Variants in SORCS1 observed in about 807,000 individuals in gnomAD.
The protein encoded by SORCS1 is sortilin related VPS10 domain containing receptor 1, also known as VPS10 domain-containing receptor SorCS1.
Under a neutral mutation model 146.1 loss-of-function variants are expected in SORCS1, and 60 were observed. That is an observed-to-expected ratio of 0.41 (90% CI 0.33 to 0.51). The LOEUF (loss-of-function observed/expected upper bound fraction) is 0.51, where lower values mean the gene tolerates loss of function less well. Ranked by LOEUF, SORCS1 falls within the 20% of genes least tolerant of loss-of-function variation. SORCS1 has a pLI of 0.21. For missense variants in SORCS1, 1,352 were observed against 1,487.6 expected, an observed-to-expected ratio of 0.91 and a Z score of 1.50; for synonymous variants, 637 against 584.0, an observed-to-expected ratio of 1.09 and a Z score of -1.31.
At chr10:106,819,045 T>C (rs567312799) in intron 3 of SORCS1, among the ~76,000 whole-genome samples, 3 of 152,310 alleles carry the variant, frequency 2.0e-5, no homozygotes, top group South Asian at 4.1e-4. Context: ...TGGAACAAAA[T>C]AGGCATTTAA....
At chr10:106,580,137 G>A (rs547289639) in intron 24 of SORCS1, among the ~76,000 whole-genome samples, 1 of 152,242 alleles carries the variant, frequency 6.6e-6, no homozygotes, top group South Asian at 2.1e-4. Flanking sequence ...GAACAGCAAA[G>A]TGATGGAGCA....
chr10:107,089,204 T>C lies in SORCS1; in HGVS notation c.558+74765A>G, dbSNP rs148836870. On this transcript the variant is annotated intron_variant, in intron 1 of 25. Coordinates refer to ENST00000263054, the MANE Select transcript of SORCS1 (RefSeq NM_052918.5). ...ATTTTACTTTTTAATTTTGTTTTGCTGGCGTCTTTGTTAAGGCAAACTAAA... is the reference window on the plus strand; with the variant it reads ...ATTTTACTTTTTAATTTTGTTTTGCCGGCGTCTTTGTTAAGGCAAACTAAA... Among the ~76,000 whole-genome samples, 257 of 152,342 alleles carry C rather than the reference T, an allele frequency of 1.7e-3. 2 individuals carry two copies. The highest frequency in any genetic ancestry group is 5.3e-3 in the African/African-American group (222 of 41,590).
intron 1 of SORCS1, among the ~76,000 whole-genome samples, chr10:107,038,935 G>A (rs1334846411): frequency 3.3e-5 from 5 of 151,986 alleles, no homozygotes; most frequent in Non-Finnish European, 7.4e-5. Flanking sequence ...AAAATAAAGA[G>A]GAGTCATTTA....
intron 4 of SORCS1, among the ~76,000 whole-genome samples, chr10:106,762,950 C>T (rs1859253128): frequency 6.6e-6 from 1 of 152,088 alleles, no homozygotes; most frequent in African/African-American, 2.4e-5. Context: ...ACAGCAGGCA[C>T]CCAACCCGAG....
At chr10:106,826,797 T>C (rs58388392) in intron 3 of SORCS1, among the ~76,000 whole-genome samples, 5,873 of 152,204 alleles carry the variant, frequency 0.039, 296 homozygotes, top group East Asian at 0.23. Context: ...ACTCATAACA[T>C]TGTGATTTAA....
chr10:107,116,107 CA>C, intron 1 of SORCS1, among the ~76,000 whole-genome samples: 1 of 151,058 alleles, frequency 6.6e-6, no homozygotes, highest in African/African-American at 2.5e-5. Context: ...ATCAAAAAGA[CA>C]AAAGGTAATT....
At chr10:106,888,367 A>AT (rs900106459) in intron 2 of SORCS1, among the ~76,000 whole-genome samples, 1 of 152,094 alleles carries the variant, frequency 6.6e-6, no homozygotes, top group Non-Finnish European at 1.5e-5. Context: ...TGCCTTTAAC[A>AT]TTTTTTTCAT....
At chr10:107,168,106 C>G (rs1239127047), upstream of SORCS1, among the ~76,000 whole-genome samples, 2 of 152,220 alleles carry the variant, frequency 1.3e-5, no homozygotes, top group Non-Finnish European at 2.9e-5. Flanking sequence ...ATTCTCTACC[C>G]TCATCCTAAT....
rs572252716 is a variant in SORCS1 at position 106,960,260 on chromosome 10, G to A, written c.559-3680C>T. ...ATTTCTGGGATTTCCACAGTGACAT[G>A]CTTCAAGTATCCCCCTCGCCAGTCT... On this transcript the variant is annotated intron_variant, in intron 1 of 25. Coordinates refer to ENST00000263054, the MANE Select transcript of SORCS1 (RefSeq NM_052918.5). This position sits in a 1 kb window ranked among gnomAD's most constrained non-coding sequence, Gnocchi z 4.4. Among the ~76,000 whole-genome samples, 1 of 152,262 alleles carries A rather than the reference G, an allele frequency of 6.6e-6. No homozygotes were observed. Among genetic ancestry groups the A allele is most frequent in the Non-Finnish European group, 1.5e-5 (1 of 68,026 alleles).
intron 8 of SORCS1, among the ~76,000 whole-genome samples, chr10:106,704,289 G>A (rs951654123): frequency 6.6e-5 from 10 of 152,258 alleles, no homozygotes; most frequent in African/African-American, 2.2e-4. Flanking sequence ...AATTTACTAA[G>A]AAAGTATAAT....
chr10:106,761,693 G>C (rs377196147), intron 4 of SORCS1, 32 bp from the exon 5 acceptor site: 1 of 1,570,830 alleles, frequency 6.4e-7, no homozygotes, highest in African/African-American at 1.3e-5. Flanking sequence ...CAGCACTATG[G>C]TTCTATAGTA....
chr10:106,864,910 C>T (rs1057024090), intron 2 of SORCS1, among the ~76,000 whole-genome samples: 28 of 152,202 alleles, frequency 1.8e-4, no homozygotes, highest in Non-Finnish European at 1.2e-4. Context: ...TGTTCCTCCT[C>T]ACTGGGTGGG....
chr10:106,832,954 G>A (rs1032013270), intron 2 of SORCS1, among the ~76,000 whole-genome samples: 3 of 152,072 alleles, frequency 2.0e-5, no homozygotes, highest in Non-Finnish European at 4.4e-5. Flanking sequence ...AGGCAAATGA[G>A]GATTATATTA....
intron 2 of SORCS1, among the ~76,000 whole-genome samples, chr10:106,947,983 T>C (rs1031510964): frequency 6.6e-6 from 1 of 152,236 alleles, no homozygotes; most frequent in African/African-American, 2.4e-5. Flanking sequence ...TTTAATTCGA[T>C]ATACTGTACA....
At chr10:106,831,959 C>T (rs1333994654) in intron 2 of SORCS1, among the ~76,000 whole-genome samples, 1 of 152,208 alleles carries the variant, frequency 6.6e-6, no homozygotes, top group Non-Finnish European at 1.5e-5. Context: ...CTCTGCACTA[C>T]TATAATCAAA....
intron 1 of SORCS1, among the ~76,000 whole-genome samples, chr10:107,022,652 CTG>C (rs780041237): frequency 6.6e-5 from 10 of 152,308 alleles, no homozygotes; most frequent in Non-Finnish European, 1.3e-4. Flanking sequence ...TGACTTAACT[CTG>C]TAGTCAAGGT....
intron 2 of SORCS1, among the ~76,000 whole-genome samples, chr10:106,836,514 T>G (rs1198566197): frequency 2.1e-5 from 3 of 145,984 alleles, no homozygotes; most frequent in Admixed American, 6.9e-5. Context: ...AGGTGCTGAG[T>G]GCGCACTGGC....
chr10:106,613,883 GCT>G, intron 21 of SORCS1, among the ~76,000 whole-genome samples: 2 of 151,976 alleles, frequency 1.3e-5, no homozygotes, highest in South Asian at 4.2e-4. Context: ...GTCCATACCA[GCT>G]CTCTCCACTT....
chr10:106,736,602 T>TAA (rs10684476), intron 5 of SORCS1, among the ~76,000 whole-genome samples: 1,071 of 38,712 alleles, frequency 0.028, 26 homozygotes, highest in African/African-American at 0.07. Flanking sequence ...TAACCCTGGT[T>TAA]AAAAAAAAAA....
Sources: allele counts gnomAD v4.1 joint callset (sites outside exome capture counted in the v4.1 genomes callset), GRCh38; gene constraint gnomAD v4.1.1; non-coding constraint Gnocchi (gnomAD v3.1); transcripts MANE v1.5; gene names NCBI Gene and HGNC (gene_info 2026-07-23, HGNC 2026-07-21).